The following NUP160 variants were observed in gnomAD, a reference collection of about 807,000 sequenced individuals.
NUP160 encodes the protein nucleoporin 160, also known as nuclear pore complex protein Nup160.
A neutral mutation model predicts 196.9 loss-of-function variants in NUP160; 94 were observed. The observed-to-expected ratio is 0.48, with a 90% CI of 0.40 to 0.57. NUP160 has a LOEUF of 0.57. Ranked by LOEUF, NUP160 falls within the 20% of genes least tolerant of loss-of-function variation. The probability of loss-of-function intolerance (pLI) is 0.00; values close to 1 mark genes in which losing one functional copy is unlikely to be tolerated. For synonymous variants in NUP160, 605 were observed against 619.7 expected, an observed-to-expected ratio of 0.98 and a Z score of 0.35; for missense variants, 1,638 against 1,748.3, an observed-to-expected ratio of 0.94 and a Z score of 1.13.
rs2097677624 is a variant in NUP160, at chr11:47,806,366, A to G, written c.2447-54T>C. 36 of 1,371,942 alleles carry G rather than the reference A, an allele frequency of 2.6e-5. No homozygotes were observed. The South Asian group carries it at 4.4e-4, about 17-fold the overall frequency. 85.0% of individuals were successfully genotyped at this position (1,371,942 alleles called of 1,614,324 possible). ...GTGTAGTGGTAATTATCAATTTTCA[A>G]TTAAAATAGTCTATCAATTCATTTT... is the stretch of plus-strand genomic sequence containing the variant. On this transcript the variant is annotated intron_variant, in intron 19 of 35. Transcript: ENST00000378460.
intron 15 of NUP160, 36 bp from the exon 16 acceptor site, chr11:47,812,465 A>G (rs781570684): frequency 6.3e-7 from 1 of 1,591,774 alleles, no homozygotes; most frequent in Non-Finnish European, 8.5e-7. Flanking sequence ...ATTACTACCG[A>G]GAATACGTAA....
At chr11:47,783,974 G>T (rs180976572) in intron 33 of NUP160, among the ~76,000 whole-genome samples, 1 of 150,908 alleles carries the variant, frequency 6.6e-6, no homozygotes, top group African/African-American at 2.4e-5. Flanking sequence ...GTTTACAGGC[G>T]TGAGTCACCG....
exon 33 of NUP160, chr11:47,785,016 T>C (rs2097663706): frequency 3.1e-6 from 5 of 1,601,704 alleles, no homozygotes; most frequent in Non-Finnish European, 4.3e-6. Flanking sequence ...CTGGACTTTG[T>C]ACCTCTCCAG....
chr11:47,798,833 C>A (rs1291469541), intron 23 of NUP160, among the ~76,000 whole-genome samples: 3 of 151,354 alleles, frequency 2.0e-5, no homozygotes, highest in African/African-American at 7.3e-5. Flanking sequence ...CTGTCTCTAT[C>A]CTCAGTGCCT....
chr11:47,779,059 T>A, exon 36 of NUP160: 1 of 1,388,062 alleles, frequency 7.2e-7, no homozygotes, highest in Non-Finnish European at 1.0e-6. Context: ...TAGTCTTAAG[T>A]CCTAAGAGGC....
intron 15 of NUP160, 79 bp from the exon 16 acceptor site, chr11:47,812,508 A>G (rs2097681755): frequency 7.4e-7 from 1 of 1,344,992 alleles, no homozygotes; most frequent in Non-Finnish European, 1.0e-6. Context: ...AGCTAAATAC[A>G]TTATGAAACA....
chr11:47,840,598 A>C lies in NUP160; in HGVS notation c.315-10T>G, dbSNP rs772857987. On this transcript the variant is annotated splice_polypyrimidine_tract_variant and intron_variant, in intron 2 of 35. Transcript: ENST00000378460. Reference sequence around the variant, plus strand: ...ATCTCCAGAGGTCTTCCTGTTGAAAAAGAGACATTTGTTTGAAAAGTTTAT... The same window carrying C: ...ATCTCCAGAGGTCTTCCTGTTGAAACAGAGACATTTGTTTGAAAAGTTTAT... The C allele has an allele frequency of 8.3e-6, 13 of 1,562,212 alleles. No homozygotes were observed. Among genetic ancestry groups the C allele is most frequent in the Non-Finnish European group, 1.1e-5 (13 of 1,149,428 alleles).
At chr11:47,826,845 G>A (rs1296616726) in intron 7 of NUP160, among the ~76,000 whole-genome samples, 1 of 152,102 alleles carries the variant, frequency 6.6e-6, no homozygotes, top group Non-Finnish European at 1.5e-5. Flanking sequence ...TTACAGGTGT[G>A]AGCCACTGCA....
chr11:47,829,069 A>C (rs534082557), intron 7 of NUP160, among the ~76,000 whole-genome samples: 176 of 152,328 alleles, frequency 1.2e-3, no homozygotes, highest in African/African-American at 4.1e-3. Context: ...ACTATGAACA[A>C]AAGCAACAAA....
intron 14 of NUP160, 64 bp from the exon 15 acceptor site, chr11:47,813,111 C>T (rs1375010001): frequency 8.3e-7 from 1 of 1,200,026 alleles, no homozygotes; most frequent in East Asian, 2.4e-5. Context: ...ATTGATATTA[C>T]ATTAAAATGT....
At chr11:47,796,222 A>G (rs1164970267) in intron 27 of NUP160, 2 of 537,604 alleles carry the variant, frequency 3.7e-6, no homozygotes, top group African/African-American at 1.9e-5. Context: ...TCTTCCACAC[A>G]GAAAAAGAGA....
intron 29 of NUP160, among the ~76,000 whole-genome samples, chr11:47,789,808 C>A (rs181848721): frequency 3.3e-5 from 5 of 152,128 alleles, no homozygotes; most frequent in African/African-American, 1.2e-4. Flanking sequence ...GGGATGCTGG[C>A]TCCTGAGCAG....
intron 10 of NUP160, among the ~76,000 whole-genome samples, chr11:47,818,400 A>G (rs1372140520): frequency 6.6e-6 from 1 of 152,250 alleles, no homozygotes; most frequent in Non-Finnish European, 1.5e-5. Flanking sequence ...TGCCAATCTT[A>G]AATGGAAGAA....
At chr11:47,838,523 T>C (rs1852225580) in intron 4 of NUP160, among the ~76,000 whole-genome samples, 1 of 151,572 alleles carries the variant, frequency 6.6e-6, no homozygotes, top group African/African-American at 2.4e-5. Flanking sequence ...GCCTAGTCAA[T>C]GTGGCAAAAC....
exon 1 of NUP160, chr11:47,848,435 G>A (rs763492615): frequency 6.6e-7 from 1 of 1,525,654 alleles, no homozygotes; most frequent in Non-Finnish European, 8.8e-7. Flanking sequence ...GGAGCAGAAA[G>A]GCGGCTCCGG....
At chr11:47,833,902 G>A (rs1852122149) in intron 7 of NUP160, among the ~76,000 whole-genome samples, 1 of 152,202 alleles carries the variant, frequency 6.6e-6, no homozygotes, top group South Asian at 2.1e-4. Flanking sequence ...ACTCTTAGAC[G>A]ATTGTGTCTG....
At chr11:47,829,096 C>T (rs1403964995) in intron 7 of NUP160, among the ~76,000 whole-genome samples, 1 of 152,064 alleles carries the variant, frequency 6.6e-6, no homozygotes, top group Non-Finnish European at 1.5e-5. Context: ...AATAGATAAT[C>T]TGGACTTTAT....
chr11:47,797,230 A>C (rs1215968583), intron 27 of NUP160, among the ~76,000 whole-genome samples: 1 of 152,036 alleles, frequency 6.6e-6, no homozygotes, highest in African/African-American at 2.4e-5. Context: ...TGAAAAAGCT[A>C]ATTTCCTTTA....
chr11:47,847,436 CATG>C (rs1354336344), intron 2 of NUP160, among the ~76,000 whole-genome samples: 1 of 152,080 alleles, frequency 6.6e-6, no homozygotes, highest in African/African-American at 2.4e-5. Flanking sequence ...CAACGTCTTG[CATG>C]ATGAAAATTG....
Sources: allele counts gnomAD v4.1 joint callset (sites outside exome capture counted in the v4.1 genomes callset), GRCh38; gene constraint gnomAD v4.1.1; transcripts MANE v1.5; gene names NCBI Gene and HGNC (gene_info 2026-07-23, HGNC 2026-07-21).